The following NCAM1 variants were observed in gnomAD, a reference collection of about 807,000 sequenced individuals.
The protein encoded by NCAM1 is antigen recognized by monoclonal antibody 5.1H11.
In NCAM1, 14 loss-of-function variants were observed where a neutral mutation model predicts 109.8. The ratio of observed to expected loss-of-function variants is 0.13; its 90% CI spans 0.08 to 0.20. The LOEUF is 0.20. NCAM1 is among the 10% of genes least tolerant of loss of function. The pLI, the probability that NCAM1 is intolerant of heterozygous loss-of-function variation, is 1.00. For synonymous variants in NCAM1, 418 were observed against 442.9 expected, an observed-to-expected ratio of 0.94 and a Z score of 0.70; for missense variants, 774 against 1,109.9, an observed-to-expected ratio of 0.70 and a Z score of 4.30.
At chr11:113,182,801 A>G (rs1000452848) in intron 1 of NCAM1, among the ~76,000 whole-genome samples, 1 of 152,116 alleles carries the variant, frequency 6.6e-6, no homozygotes, top group Admixed American at 6.5e-5. Flanking sequence ...CACCTCCCAG[A>G]TATTCCAGGA....
At chr11:113,269,154 A>G (rs1276568688) in intron 17 of NCAM1, among the ~76,000 whole-genome samples, 2 of 152,096 alleles carry the variant, frequency 1.3e-5, no homozygotes, top group African/African-American at 2.4e-5. Context: ...CAAGAGGTCA[A>G]TTGGTCCATC....
chr11:112,975,876 T>C (rs1950993341), intron 1 of NCAM1, among the ~76,000 whole-genome samples: 1 of 152,002 alleles, frequency 6.6e-6, no homozygotes, highest in African/African-American at 2.4e-5. Flanking sequence ...AAGTTAGACA[T>C]ATGCATTATT....
chr11:113,068,809 G>C (rs12361204), intron 1 of NCAM1, among the ~76,000 whole-genome samples: 60,091 of 151,920 alleles, frequency 0.4, 14,246 homozygotes, highest in Middle Eastern at 0.56. Context: ...AGTCTATTCA[G>C]TTGTATTGTT....
At position 113,231,312 on chromosome 11, in the gene NCAM1, C is replaced by T. The variant is rs565218399; in HGVS notation, c.1090-333C>T. On this transcript the variant is annotated intron_variant, in intron 9 of 19. Coordinates refer to ENST00000316851, the MANE Select transcript of NCAM1 (RefSeq NM_181351.5). The stretch of plus-strand genomic sequence containing the variant: ...TGCTGCTGCTGCAATATCTGCTGGC[C>T]GGAGGCTTTGCTTCCATTTTAGACA... The T allele has an allele frequency of 1.2e-4, 183 of 1,534,330 alleles. No individual in the cohort carries two copies. The African/African-American group carries it at 2.2e-3, about 19-fold the overall frequency.
intron 1 of NCAM1, among the ~76,000 whole-genome samples, chr11:112,965,001 G>A (rs1555064934): frequency 1.3e-5 from 2 of 152,100 alleles, no homozygotes; most frequent in Non-Finnish European, 2.9e-5. Flanking sequence ...TTAAGTTAAT[G>A]CTTTATGAAC....
intron 1 of NCAM1, among the ~76,000 whole-genome samples, chr11:113,108,020 A>G (rs1555092876): frequency 6.6e-6 from 1 of 152,184 alleles, no homozygotes; most frequent in Non-Finnish European, 1.5e-5. Context: ...CAAGCTCCTT[A>G]GCAGTTAGAA....
chr11:113,250,608 A>C (rs1394612194), intron 15 of NCAM1, among the ~76,000 whole-genome samples: 1 of 152,242 alleles, frequency 6.6e-6, no homozygotes, highest in Non-Finnish European at 1.5e-5. Context: ...CAAAGGAGAC[A>C]GGAGTTATGA....
At chr11:113,072,847 A>C (rs1041485252) in intron 1 of NCAM1, among the ~76,000 whole-genome samples, 22 of 142,472 alleles carry the variant, frequency 1.5e-4, no homozygotes, top group African/African-American at 5.8e-4. Flanking sequence ...TTTTTTGACT[A>C]TGGTAAACTA....
intron 1 of NCAM1, among the ~76,000 whole-genome samples, chr11:113,034,720 C>A (rs1464729003): frequency 6.6e-6 from 1 of 152,112 alleles, no homozygotes; most frequent in African/African-American, 2.4e-5. Context: ...CTGTCAGCAG[C>A]TTTAGTGATT....
At chr11:113,056,646 C>CA (rs1239359213) in intron 1 of NCAM1, among the ~76,000 whole-genome samples, 1 of 152,118 alleles carries the variant, frequency 6.6e-6, no homozygotes, top group Non-Finnish European at 1.5e-5. Context: ...TCCAGCAGCC[C>CA]ACAAGGAAAT....
chr11:113,046,392 C>T (rs1219334726), intron 1 of NCAM1, among the ~76,000 whole-genome samples: 1 of 152,218 alleles, frequency 6.6e-6, no homozygotes, highest in Non-Finnish European at 1.5e-5. Context: ...TAATTACCGC[C>T]TCCCCATCCC....
intron 16 of NCAM1, among the ~76,000 whole-genome samples, chr11:113,259,604 T>A: frequency 6.6e-6 from 1 of 152,148 alleles, no homozygotes; most frequent in African/African-American, 2.4e-5. Context: ...CACACTGGCA[T>A]CTGCTGTTGC....
At chr11:113,184,474 C>G in intron 1 of NCAM1, among the ~76,000 whole-genome samples, 1 of 152,190 alleles carries the variant, frequency 6.6e-6, no homozygotes, top group East Asian at 1.9e-4. Context: ...AGCAGTAATT[C>G]ATCTTGTTTT....
intron 15 of NCAM1, among the ~76,000 whole-genome samples, chr11:113,253,414 T>C (rs1945746611): frequency 6.6e-6 from 1 of 152,106 alleles, no homozygotes. Flanking sequence ...AGCCCAGGTG[T>C]AGTTGGTAGT....
intron 1 of NCAM1, among the ~76,000 whole-genome samples, chr11:113,000,847 TACACA>T (rs1489093262): frequency 8.8e-6 from 1 of 113,558 alleles, no homozygotes; most frequent in African/African-American, 3.5e-5. Flanking sequence ...TATATATATA[TACACA>T]AAAAATATAT....
chr11:113,048,750 C>T (rs1294009620), intron 1 of NCAM1, among the ~76,000 whole-genome samples: 1 of 152,214 alleles, frequency 6.6e-6, no homozygotes, highest in East Asian at 1.9e-4. Context: ...TGATCTCAGA[C>T]AAGGTGCTTC....
At chr11:113,178,992 C>T (rs1943252185) in intron 1 of NCAM1, among the ~76,000 whole-genome samples, 1 of 152,162 alleles carries the variant, frequency 6.6e-6, no homozygotes, top group Admixed American at 6.5e-5. Flanking sequence ...TATGCCAGAG[C>T]TGCTCCACTG....
At chr11:113,012,592 C>T (rs1370102410) in intron 1 of NCAM1, among the ~76,000 whole-genome samples, 4 of 152,274 alleles carry the variant, frequency 2.6e-5, no homozygotes, top group African/African-American at 4.8e-5. Context: ...AGTATTTCTT[C>T]GCCTCTTCCC....
At chr11:113,194,484 T>G (rs1943792270) in intron 1 of NCAM1, among the ~76,000 whole-genome samples, 1 of 152,112 alleles carries the variant, frequency 6.6e-6, no homozygotes, top group Non-Finnish European at 1.5e-5. Flanking sequence ...TTATGAAAAA[T>G]GATAGATTTT....
Sources: gnomAD v4.1 joint callset for allele counts (sites outside exome capture counted in the v4.1 genomes callset) on GRCh38, gnomAD v4.1.1 for gene constraint, MANE v1.5 for transcripts, NCBI Gene and HGNC (gene_info 2026-07-23, HGNC 2026-07-21) for gene names.